Variants in ARFRP1 observed in about 807,000 individuals in gnomAD.
ARFRP1 encodes ADP-ribosylation factor-related protein 1.
In ARFRP1, 19 loss-of-function variants were observed where a neutral mutation model predicts 30.3. That is an observed-to-expected ratio of 0.63 (90% CI 0.44 to 0.92). The LOEUF (loss-of-function observed/expected upper bound fraction) is 0.92, where lower values mean the gene tolerates loss of function less well. Among genes scored for constraint, ARFRP1 ranks in the 40% least tolerant of loss-of-function variants. The pLI, the probability that ARFRP1 is intolerant of heterozygous loss-of-function variation, is 0.00. For missense variants in ARFRP1, 245 were observed against 267.5 expected (o/e 0.92, Z 0.59); for synonymous variants, 133 against 114.2 (o/e 1.16, Z -1.05).
At chr20:63,701,998 G>GGCACCCCCCCCCCCC in intron 5 of ARFRP1, 98 bp from the exon 6 acceptor site, 1 of 583,916 alleles carries the variant, frequency 1.7e-6, no homozygotes, top group South Asian at 2.1e-5. Context: ...CACTCCCTCT[G>GGCACCCCCCCCCCCC]CCCCCCCCCC....
At chr20:63,703,749 G>C (rs1410755721) in intron 4 of ARFRP1, 2 of 152,220 alleles carry the variant, frequency 1.3e-5, no homozygotes, top group African/African-American at 2.4e-5. Context: ...CCTGGACCAT[G>C]GGACCACGTG....
intron 6 of ARFRP1, 99 bp from the exon 7 acceptor site, chr20:63,700,801 G>C: frequency 1.4e-6 from 2 of 1,464,564 alleles, no homozygotes; most frequent in Non-Finnish European, 1.8e-6. Context: ...TCACCCCAGG[G>C]AAACAGCCAG....
intron 3 of ARFRP1, 57 bp downstream of exon 3, chr20:63,706,594 T>C (rs546042210): frequency 6.5e-7 from 1 of 1,539,450 alleles, no homozygotes; most frequent in East Asian, 2.3e-5. Flanking sequence ...AGCTGGACTG[T>C]GAATATCACG....
At chr20:63,705,697 T>C in intron 4 of ARFRP1, 1 of 533,216 alleles carries the variant, frequency 1.9e-6, no homozygotes, top group South Asian at 1.4e-5. Context: ...TTCTGTGTCC[T>C]GTGGTGGTCA....
In ARFRP1 at chr20:63,699,681, GAACCCCT is replaced by G. The variant is rs1568740576; in HGVS notation, c.*755_*761del. On this transcript the variant is annotated 3_prime_UTR_variant, in exon 8 of 8. Coordinates refer to ENST00000622789, the MANE Select transcript of ARFRP1 (RefSeq NM_001267547.3). ...AGCAGGGGACACAGGGCCCCACAGAGAACCCCTCCGGGAGGTTCTCTCCTGGCTGGGG... is the reference window on the plus strand; with the variant it reads ...AGCAGGGGACACAGGGCCCCACAGAGCCGGGAGGTTCTCTCCTGGCTGGGG... The G allele has an allele frequency of 2.0e-5, 3 of 152,998 alleles. No homozygotes were observed. Among genetic ancestry groups the G allele is most frequent in the African/African-American group, 7.2e-5 (3 of 41,432 alleles). 9.5% of individuals were successfully genotyped at this position (152,998 alleles called of 1,614,324 possible). A position where few individuals can be genotyped will look rare whatever the true frequency, so the allele number is the denominator to read the frequency against.
Position 63,700,217 on chromosome 20 carries a change from C to A in ARFRP1, c.*226G>T. The A allele has an allele frequency of 1.6e-6, 1 of 615,342 alleles. No homozygotes were observed. Among genetic ancestry groups the A allele is most frequent in the Non-Finnish European group, 2.8e-6 (1 of 361,614 alleles). 38.1% of individuals were successfully genotyped at this position (615,342 alleles called of 1,614,324 possible). On this transcript the variant is annotated 3_prime_UTR_variant, in exon 8 of 8. Coordinates refer to ENST00000622789, the MANE Select transcript of ARFRP1 (RefSeq NM_001267547.3). The stretch of plus-strand genomic sequence containing the variant: ...GCCGCTGCGCCCTGTGGAAAGGCTG[C>A]CGCTGCAGGGCCTGGGCCAGCCGGG...
Position 63,700,544 on chromosome 20 carries a change from G to C in ARFRP1, c.519-14C>G, listed in dbSNP as rs373835704. 2 of 1,610,796 alleles carry C rather than the reference G, an allele frequency of 1.2e-6. No homozygotes were observed. Among genetic ancestry groups the C allele is most frequent in the Admixed American group, 1.7e-5 (1 of 60,012 alleles). ...CGCACCCCTTTGCTGTGAAGACAGC[G>C]GGTGTGAGGCGGGGGGTCTCGGTCC... On this transcript the variant is annotated splice_polypyrimidine_tract_variant and intron_variant, in intron 7 of 7. Transcript: ENST00000622789.
chr20:63,703,136 TCTC>T (rs1159986231), intron 4 of ARFRP1: 3 of 152,328 alleles, frequency 2.0e-5, no homozygotes, highest in African/African-American at 7.2e-5. Flanking sequence ...CTGTGCCAGC[TCTC>T]CTGTCCAGGC....
chr20:63,704,239 C>T (rs1874563594), intron 4 of ARFRP1: 1 of 152,214 alleles, frequency 6.6e-6, no homozygotes. Flanking sequence ...CAGGGGCCTC[C>T]CTTCCGGTCC....
In ARFRP1 at chr20:63,698,718, C is replaced by T; in HGVS notation, c.*1725G>A. 1 of 943,424 alleles carries T rather than the reference C, an allele frequency of 1.1e-6. No homozygotes were observed. Among genetic ancestry groups the T allele is most frequent in the Non-Finnish European group, 1.5e-6 (1 of 688,068 alleles). The allele number at this position is 943,424 out of a possible 1,614,324, so 58.4% of individuals were successfully genotyped here. On this transcript the variant is annotated 3_prime_UTR_variant, in exon 8 of 8. Coordinates refer to ENST00000622789, the MANE Select transcript of ARFRP1 (RefSeq NM_001267547.3). ...AGTTGCACAGCTACTGGGAGGGCAG[C>T]CGGGGACACCTGAGCCGCCCGCTGT...
chr20:63,700,898 G>A (rs1464406692), intron 6 of ARFRP1, 196 bp from the exon 7 acceptor site: 2 of 702,290 alleles, frequency 2.8e-6, no homozygotes, highest in East Asian at 2.8e-5. Context: ...GGCTGGTAGT[G>A]CCTGAGACAA....
chr20:63,704,142 C>G (rs2091340296), intron 4 of ARFRP1: 1 of 152,260 alleles, frequency 6.6e-6, no homozygotes, highest in African/African-American at 2.4e-5. Context: ...GGGTCCAGCC[C>G]CAGGACGAGG....
chr20:63,700,817 C>G, intron 6 of ARFRP1, 115 bp from the exon 7 acceptor site: 1 of 1,392,446 alleles, frequency 7.2e-7, no homozygotes, highest in South Asian at 1.3e-5. Flanking sequence ...GCCAGAGCTC[C>G]ACCAGGGTCC....
At chr20:63,700,777 A>G in intron 6 of ARFRP1, 75 bp from the exon 7 acceptor site, 1 of 1,552,324 alleles carries the variant, frequency 6.4e-7, no homozygotes, top group Non-Finnish European at 8.7e-7. Flanking sequence ...GACTCTCAGA[A>G]GGGCGTATGC....
chr20:63,700,296 G>A lies in ARFRP1; in HGVS notation c.*147C>T, dbSNP rs2091134208. 39 of 1,221,780 alleles carry A rather than the reference G, an allele frequency of 3.2e-5. No individual in the cohort carries two copies. The highest frequency in any genetic ancestry group is 4.3e-5 in the Non-Finnish European group (38 of 886,482). 75.7% of individuals were successfully genotyped at this position (1,221,780 alleles called of 1,614,324 possible). ...ATGCCTACGCTTTTCCAGACATAGA[G>A]GAAAGTTTGTCTTCGAGAAAACAAA... is the stretch of plus-strand genomic sequence containing the variant. On this transcript the variant is annotated 3_prime_UTR_variant, in exon 8 of 8. Transcript: ENST00000622789.
chr20:63,707,110 A>C lies in ARFRP1; in HGVS notation c.-6-13T>G. ...TGTACATCCTGCCCTGGGCACCCCA[A>C]CATAGGTCAGTGTGCAGCCAGAAAG... On this transcript the variant is annotated splice_polypyrimidine_tract_variant and intron_variant, in intron 1 of 7. Coordinates refer to ENST00000622789, the MANE Select transcript of ARFRP1 (RefSeq NM_001267547.3). The C allele has an allele frequency of 1.3e-6, 2 of 1,590,920 alleles. No individual in the cohort carries two copies. Among genetic ancestry groups the C allele is most frequent in the East Asian group, 2.3e-5 (1 of 43,334 alleles).
rs1466007556 is a variant in ARFRP1, at chr20:63,699,511, C to T, written c.*932G>A. ...CCAGGAGGGAAGGGATGGACAGAGC[C>T]ACACTCGCCGTCTTTATTTTGCACT... On this transcript the variant is annotated 3_prime_UTR_variant, in exon 8 of 8. Transcript: ENST00000622789. 1 of 152,390 alleles carries T rather than the reference C, an allele frequency of 6.6e-6. No individual in the cohort carries two copies. The highest frequency in any genetic ancestry group is 1.5e-5 in the Non-Finnish European group (1 of 68,128). The allele number at this position is 152,390 out of a possible 1,614,324, so 9.4% of individuals were successfully genotyped here. A position where few individuals can be genotyped will look rare whatever the true frequency, so the allele number is the denominator to read the frequency against.
intron 4 of ARFRP1, chr20:63,705,069 C>G (rs2091390643): frequency 6.6e-6 from 1 of 152,560 alleles, no homozygotes; most frequent in African/African-American, 2.4e-5. Flanking sequence ...GTACCTCGAC[C>G]TGTCTCAGCA....
Position 63,700,220 on chromosome 20 carries a change from C to T in ARFRP1, c.*223G>A. ...GCTGCGCCCTGTGGAAAGGCTGCCG[C>T]TGCAGGGCCTGGGCCAGCCGGGCTG... On this transcript the variant is annotated 3_prime_UTR_variant, in exon 8 of 8. Transcript: ENST00000622789. 3 of 632,750 alleles carry T rather than the reference C, an allele frequency of 4.7e-6. No individual in the cohort carries two copies. The highest frequency in any genetic ancestry group is 8.0e-6 in the Non-Finnish European group (3 of 375,862). The allele number at this position is 632,750 out of a possible 1,614,324, so 39.2% of individuals were successfully genotyped here.
Sources: allele counts gnomAD v4.1 joint callset, GRCh38; gene constraint gnomAD v4.1.1; transcripts MANE v1.5; gene names NCBI Gene and HGNC (gene_info 2026-07-23, HGNC 2026-07-21).